Variants in JAKMIP2 observed in about 807,000 individuals in gnomAD.
JAKMIP2 encodes the protein janus kinase and microtubule-interacting protein 2.
A neutral mutation model predicts 115.0 loss-of-function variants in JAKMIP2; 25 were observed. The ratio of observed to expected loss-of-function variants is 0.22; its 90% CI spans 0.16 to 0.30. JAKMIP2 has a LOEUF of 0.30. Ranked by LOEUF, JAKMIP2 falls within the 10% of genes least tolerant of loss-of-function variation. The probability of loss-of-function intolerance (pLI) is 1.00; values close to 1 mark genes in which losing one functional copy is unlikely to be tolerated. For synonymous variants in JAKMIP2, 334 were observed against 343.6 expected (o/e 0.97, Z 0.31); for missense variants, 642 against 957.6 (o/e 0.67, Z 4.35).
At chr5:147,757,950 C>A (rs900884918) in intron 1 of JAKMIP2, among the ~76,000 whole-genome samples, 3 of 152,018 alleles carry the variant, frequency 2.0e-5, no homozygotes, top group Non-Finnish European at 4.4e-5. Context: ...TATTGATTAA[C>A]CTGATTTTGA....
intron 1 of JAKMIP2, among the ~76,000 whole-genome samples, chr5:147,761,172 A>G (rs1392193972): frequency 6.6e-6 from 1 of 152,136 alleles, no homozygotes; most frequent in Non-Finnish European, 1.5e-5. Context: ...CAGCAGTTGT[A>G]CAAGAAAAGC....
At chr5:147,593,453 C>T (rs1755197637) in intron 21 of JAKMIP2, among the ~76,000 whole-genome samples, 1 of 152,168 alleles carries the variant, frequency 6.6e-6, no homozygotes, top group Non-Finnish European at 1.5e-5. Flanking sequence ...AATCCTTTTC[C>T]CTCTTCTTCC....
chr5:147,716,134 G>A (rs1321201867), intron 1 of JAKMIP2, among the ~76,000 whole-genome samples: 1 of 145,868 alleles, frequency 6.9e-6, no homozygotes, highest in African/African-American at 2.6e-5. Context: ...TGAGAATGAT[G>A]TTTTCCAATT....
At chr5:147,644,793 G>A in intron 6 of JAKMIP2, 57 bp downstream of exon 6, 1 of 1,441,748 alleles carries the variant, frequency 6.9e-7, no homozygotes, top group Non-Finnish European at 9.5e-7. Context: ...AATAAGTCAG[G>A]TTATTAAGGT....
At chr5:147,732,269 A>G (rs1753762544) in intron 1 of JAKMIP2, among the ~76,000 whole-genome samples, 1 of 152,200 alleles carries the variant, frequency 6.6e-6, no homozygotes, top group African/African-American at 2.4e-5. Flanking sequence ...AATGGCATCT[A>G]AGAAAGCATC....
intron 1 of JAKMIP2, among the ~76,000 whole-genome samples, chr5:147,691,831 C>T (rs539408358): frequency 2.6e-5 from 4 of 152,240 alleles, no homozygotes; most frequent in African/African-American, 7.2e-5. Context: ...TAAGCAGCGC[C>T]GTGGGTGACT....
intron 14 of JAKMIP2, among the ~76,000 whole-genome samples, chr5:147,630,567 AC>A (rs1219311008): frequency 5.4e-4 from 82 of 152,304 alleles, no homozygotes; most frequent in Admixed American, 1.0e-3. Flanking sequence ...CCGTATTAGT[AC>A]TATGTTCTCC....
chr5:147,632,506 C>T (rs934981333), intron 13 of JAKMIP2, among the ~76,000 whole-genome samples, 174 bp downstream of exon 13: 14 of 152,102 alleles, frequency 9.2e-5, no homozygotes, highest in Non-Finnish European at 2.1e-4. Flanking sequence ...AGTCACAGGA[C>T]TTAGGCAAGT....
intron 3 of JAKMIP2, among the ~76,000 whole-genome samples, chr5:147,654,223 G>A (rs1758553231): frequency 7.2e-6 from 1 of 139,020 alleles, no homozygotes; most frequent in Admixed American, 7.1e-5. Flanking sequence ...GAAATTTAAA[G>A]TAGTTTTTTT....
chr5:147,708,471 A>G (rs1373663283), intron 1 of JAKMIP2, among the ~76,000 whole-genome samples: 1 of 152,226 alleles, frequency 6.6e-6, no homozygotes, highest in Non-Finnish European at 1.5e-5. Context: ...ACAGCTAGTC[A>G]CGTAGAAGGA....
chr5:147,730,058 A>G (rs1257720140), intron 1 of JAKMIP2, among the ~76,000 whole-genome samples: 1 of 152,220 alleles, frequency 6.6e-6, no homozygotes, highest in Non-Finnish European at 1.5e-5. Flanking sequence ...AAATAATGTA[A>G]GCAAAGAGCT....
rs145441560 is a variant in JAKMIP2 at position 147,604,800 on chromosome 5, T to TTTATTATTATTA, written c.2413-3001_2413-2990dup. Among the ~76,000 whole-genome samples the TTTATTATTATTA allele has an allele frequency of 6.4e-4, 92 of 143,548 alleles. 1 individual carries two copies. The highest frequency in any genetic ancestry group is 3.7e-3 in the East Asian group (18 of 4,844). The allele number at this position is 143,548 out of a possible 152,430, so 94.2% of individuals were successfully genotyped here. Reference sequence around the variant, plus strand: ...ATTCCTGGTGTCTTGGGCCAGACATTTTATTATTATTATTATTATTATTAT... The same window carrying TTTATTATTATTA: ...ATTCCTGGTGTCTTGGGCCAGACATTTTATTATTATTATTATTATTATTATTATTATTATTAT... On this transcript the variant is annotated intron_variant, in intron 20 of 21. Coordinates refer to ENST00000616793, the MANE Select transcript of JAKMIP2 (RefSeq NM_001270941.2).
chr5:147,756,327 C>T (rs1031650796), intron 1 of JAKMIP2, among the ~76,000 whole-genome samples: 1 of 152,040 alleles, frequency 6.6e-6, no homozygotes, highest in African/African-American at 2.4e-5. Context: ...TAGGGAGGCA[C>T]CTGCCCTCAC....
At chr5:147,636,354 CT>C (rs1757615086) in intron 11 of JAKMIP2, 70 bp from the exon 12 acceptor site, 5 of 1,318,084 alleles carry the variant, frequency 3.8e-6, no homozygotes. Context: ...TGTCAAACCA[CT>C]TTGCCAGAGC....
At chr5:147,650,210 G>A in intron 4 of JAKMIP2, 128 bp downstream of exon 4, 1 of 660,676 alleles carries the variant, frequency 1.5e-6, no homozygotes, top group Non-Finnish European at 2.7e-6. Context: ...GATACTAGCT[G>A]ATTTTATAGT....
intron 18 of JAKMIP2, among the ~76,000 whole-genome samples, chr5:147,618,883 A>T (rs1020910847): frequency 1.3e-5 from 2 of 152,192 alleles, no homozygotes; most frequent in Non-Finnish European, 2.9e-5. Context: ...TTAATACATG[A>T]CAAACCTCTG....
chr5:147,639,867 T>C, intron 9 of JAKMIP2, 107 bp from the exon 10 acceptor site: 1 of 1,305,954 alleles, frequency 7.7e-7, no homozygotes, highest in Non-Finnish European at 1.1e-6. Flanking sequence ...TAAAAGGTTG[T>C]TTAACAGTCT....
At chr5:147,681,872 T>C (rs1370609989) in intron 1 of JAKMIP2, among the ~76,000 whole-genome samples, 1 of 151,680 alleles carries the variant, frequency 6.6e-6, no homozygotes, top group Non-Finnish European at 1.5e-5. Flanking sequence ...AGAAATCTCA[T>C]CTCCACAAAA....
chr5:147,601,043 C>T (rs1423996217), intron 21 of JAKMIP2, among the ~76,000 whole-genome samples: 1 of 152,082 alleles, frequency 6.6e-6, no homozygotes, highest in Non-Finnish European at 1.5e-5. Context: ...GAACGCAACA[C>T]TAAAGATAAC....
Sources: allele counts gnomAD v4.1 joint callset (sites outside exome capture counted in the v4.1 genomes callset), GRCh38; gene constraint gnomAD v4.1.1; transcripts MANE v1.5; gene names NCBI Gene and HGNC (gene_info 2026-07-23, HGNC 2026-07-21).